NSD3: variants seen among roughly 807,000 people sequenced by gnomAD.
NSD3 encodes the protein histone-lysine N-methyltransferase NSD3.
Under a neutral mutation model 160.8 loss-of-function variants are expected in NSD3, and 24 were observed. The observed-to-expected ratio is 0.15, with a 90% confidence interval of 0.11 to 0.21. The LOEUF is 0.21. NSD3 is among the 10% of genes least tolerant of loss of function. NSD3 has a pLI of 1.00. For synonymous variants in NSD3, 520 were observed against 600.0 expected, an observed-to-expected ratio of 0.87 and a Z score of 1.95; for missense variants, 1,157 against 1,735.9, an observed-to-expected ratio of 0.67 and a Z score of 5.93.
chr8:38,317,706 A>T lies in NSD3; in HGVS notation c.1855+1189T>A. On this transcript the variant is annotated intron_variant, in intron 9 of 23. Transcript: ENST00000317025. The surrounding 1 kb of genome is among the most constrained non-coding windows in gnomAD (Gnocchi z 5.3). ...GTTGAAATTGATCAGTGTAAGTTAA[A>T]TGGTGGTTTTTAGGCTGGACCCATG... The T allele has an allele frequency of 7.4e-7, 1 of 1,343,366 alleles. No individual in the cohort carries two copies. The highest frequency in any genetic ancestry group is 3.0e-5 in the East Asian group (1 of 33,662). 83.2% of individuals were successfully genotyped at this position (1,343,366 alleles called of 1,614,324 possible).
intron 19 of NSD3, among the ~76,000 whole-genome samples, chr8:38,282,225 A>G (rs367682799): frequency 2.0e-5 from 3 of 152,302 alleles, no homozygotes; most frequent in Admixed American, 6.5e-5. Context: ...GGATCATGTA[A>G]TCACCACTGC....
intron 20 of NSD3, 90 bp from the exon 21 acceptor site, chr8:38,279,771 T>G: frequency 7.0e-7 from 1 of 1,434,432 alleles, no homozygotes; most frequent in Non-Finnish European, 9.4e-7. Context: ...CAGCAGCATT[T>G]TGCTACCAAC....
At chr8:38,351,359 G>A (rs1426878190) in intron 1 of NSD3, among the ~76,000 whole-genome samples, 1 of 151,332 alleles carries the variant, frequency 6.6e-6, no homozygotes, top group East Asian at 2.0e-4. Flanking sequence ...TAGCTTCCTA[G>A]AATACTGTGA....
intron 1 of NSD3, among the ~76,000 whole-genome samples, chr8:38,355,869 C>T (rs964458062): frequency 2.0e-5 from 3 of 152,098 alleles, no homozygotes; most frequent in Non-Finnish European, 4.4e-5. Context: ...TATTACTATC[C>T]CATTTTACAA....
In NSD3 at chr8:38,347,840, T is replaced by C. The variant is rs765728225; in HGVS notation, c.332A>G (p.Tyr111Cys). Residue 111 changes from tyrosine (Y) to cysteine (C), a missense_variant, in exon 2 of 24, where the codon TAT (tyrosine) becomes TGT (cysteine). Tyr to Cys is a radical substitution (Grantham distance 194). Coordinates refer to ENST00000317025, the MANE Select transcript of NSD3 (RefSeq NM_023034.2). The stretch of plus-strand genomic sequence containing the variant: ...TGTGTTTGGAATTTCTGAATGATAA[T>C]AGTCAGTGGGGCTAAAGTTTCTAAC... ...GAVRNFSPTD[Y>C]YHSEIPNTRP... 7 of 1,614,092 alleles carry C rather than the reference T, an allele frequency of 4.3e-6. No individual in the cohort carries two copies. The highest frequency in any genetic ancestry group is 1.6e-4 in the Middle Eastern group (1 of 6,084).
intron 6 of NSD3, among the ~76,000 whole-genome samples, chr8:38,327,562 G>A (rs988201908): frequency 4.6e-5 from 7 of 152,060 alleles, no homozygotes; most frequent in Admixed American, 2.6e-4. Context: ...GATCACGTGA[G>A]GTAGAGTATT....
rs1419832739 is a variant in NSD3, at chr8:38,271,928, A to C, written c.*3713T>G. 1 of 152,234 alleles carries C rather than the reference A, an allele frequency of 6.6e-6. No individual in the cohort carries two copies. Among genetic ancestry groups the C allele is most frequent in the African/African-American group, 2.4e-5 (1 of 41,456 alleles). The allele number at this position is 152,234 out of a possible 1,614,324, so 9.4% of individuals were successfully genotyped here. On this transcript the variant is annotated 3_prime_UTR_variant, in exon 24 of 24. Coordinates refer to ENST00000317025, the MANE Select transcript of NSD3 (RefSeq NM_023034.2). ...ATTTAAAATGAAATGAAAGACAAGC[A>C]ACAAGTCCTGGGCAGTCCAGAGATT...
chr8:38,311,318 T>TGTTTC (rs1322111764), intron 12 of NSD3, among the ~76,000 whole-genome samples: 2 of 152,126 alleles, frequency 1.3e-5, no homozygotes, highest in African/African-American at 4.8e-5. Context: ...AATTTTGAAT[T>TGTTTC]GTTTCGTTTT....
chr8:38,377,156 G>A (rs1387200742), intron 1 of NSD3, among the ~76,000 whole-genome samples: 2 of 152,122 alleles, frequency 1.3e-5, no homozygotes, highest in Admixed American at 1.3e-4. Context: ...GGGTTCAAGC[G>A]ATTGGCCTGT....
At chr8:38,291,029 T>C (rs955558477) in intron 16 of NSD3, among the ~76,000 whole-genome samples, 1 of 152,176 alleles carries the variant, frequency 6.6e-6, no homozygotes, top group African/African-American at 2.4e-5. Flanking sequence ...AACTTAATAC[T>C]GAGATTATCT....
At position 38,347,628 on chromosome 8, in the gene NSD3, C is replaced by T; in HGVS notation, c.544G>A (p.Ala182Thr). 6.2e-7 allele frequency: 1 copy of T among 1,613,736 alleles called. No individual in the cohort carries two copies. Among genetic ancestry groups the T allele is most frequent in the Non-Finnish European group, 8.5e-7 (1 of 1,180,016 alleles). The change falls in exon 2 of 24, where the codon GCA (alanine) becomes ACA (threonine). Residue 182 changes from alanine to threonine, a missense_variant. By Grantham distance (58) the Ala-to-Thr change is moderately conservative. Around this residue, in one of 10 missense-constraint regions of NSD3, gnomAD observed 99 missense variants for 151.8 expected, o/e 0.65. Transcript: ENST00000317025. ...TGCTTTGATTTCGTGTGCTCACTTG[C>T]CTGTACTTCATTTAAAAGGTCTCCA... Reference protein sequence around the residue: ...LCGDLLNEVQASEHTKSKHES... With the variant: ...LCGDLLNEVQTSEHTKSKHES...
intron 6 of NSD3, among the ~76,000 whole-genome samples, chr8:38,328,579 T>G (rs998927464): frequency 4.9e-4 from 74 of 152,206 alleles, no homozygotes; most frequent in African/African-American, 1.8e-3. Flanking sequence ...CCTGTTTAAC[T>G]AATTAATCTG....
chr8:38,302,114 A>C (rs1050410270), intron 14 of NSD3, among the ~76,000 whole-genome samples: 1 of 152,260 alleles, frequency 6.6e-6, no homozygotes, highest in Admixed American at 6.5e-5. Flanking sequence ...GTAGTCCTTA[A>C]GAAATAGCTT....
rs865969509 is a variant in NSD3 at position 38,326,971 on chromosome 8, C to G, written c.1582-115G>C. 5.7e-5 allele frequency: 63 copies of G among 1,107,528 alleles called. 2 individuals are homozygous for G. In the South Asian group the frequency reaches 1.1e-3, roughly 19 times the overall value. The allele number at this position is 1,107,528 out of a possible 1,614,324, so 68.6% of individuals were successfully genotyped here. A position where few individuals can be genotyped will look rare whatever the true frequency, so the allele number is the denominator to read the frequency against. On this transcript the variant is annotated intron_variant, in intron 6 of 23. Transcript: ENST00000317025. Reference sequence around the variant, plus strand: ...ATAATTTGCTTAAATTTTATATGGTCTTTGATTGCAATTAAGTTATCTTAG... The same window carrying G: ...ATAATTTGCTTAAATTTTATATGGTGTTTGATTGCAATTAAGTTATCTTAG...
intron 1 of NSD3, among the ~76,000 whole-genome samples, chr8:38,352,304 C>T (rs548766823): frequency 5.1e-4 from 77 of 151,496 alleles, no homozygotes; most frequent in African/African-American, 1.8e-3. Flanking sequence ...CCTAAAATTA[C>T]AAACAAATGA....
At chr8:38,296,962 A>G (rs557577973) in intron 15 of NSD3, among the ~76,000 whole-genome samples, 11 of 152,302 alleles carry the variant, frequency 7.2e-5, no homozygotes, top group Admixed American at 2.6e-4. Flanking sequence ...TCTGATCCCA[A>G]TAACAAAACT....
chr8:38,353,523 A>G (rs2150386943), intron 1 of NSD3, among the ~76,000 whole-genome samples: 1 of 152,326 alleles, frequency 6.6e-6, no homozygotes, highest in Non-Finnish European at 1.5e-5. Flanking sequence ...AGGGTTTTTC[A>G]GGCATATGTA....
At chr8:38,353,457 T>C (rs1810749746) in intron 1 of NSD3, among the ~76,000 whole-genome samples, 1 of 152,248 alleles carries the variant, frequency 6.6e-6, no homozygotes, top group Non-Finnish European at 1.5e-5. Context: ...TTTTGGTTCT[T>C]GTAACTGTTG....
intron 19 of NSD3, among the ~76,000 whole-genome samples, chr8:38,285,217 T>C (rs7823681): frequency 0.22 from 33,464 of 151,198 alleles, 3,978 homozygotes; most frequent in East Asian, 0.31. Flanking sequence ...ATATTTAATA[T>C]CTTAAAATAG....
Sources: gnomAD v4.1 joint callset for allele counts (sites outside exome capture counted in the v4.1 genomes callset) on GRCh38, gnomAD v4.1.1 for gene constraint, gnomAD v4.1.1 regional missense constraint, Gnocchi (gnomAD v3.1) non-coding constraint, MANE v1.5 for transcripts, NCBI Gene and HGNC (gene_info 2026-07-23, HGNC 2026-07-21) for gene names.